TBCD: variants seen among roughly 807,000 people sequenced by gnomAD.
TBCD encodes tubulin-specific chaperone D.
A neutral mutation model predicts 169.3 loss-of-function variants in TBCD; 105 were observed. The observed-to-expected ratio is 0.62, with a 90% CI of 0.53 to 0.73. The LOEUF (loss-of-function observed/expected upper bound fraction) is 0.73, where lower values mean the gene tolerates loss of function less well. TBCD is among the 30% of genes least tolerant of loss of function. The pLI is 0.00. For synonymous variants in TBCD, 700 were observed against 643.9 expected, an observed-to-expected ratio of 1.09 and a Z score of -1.32; for missense variants, 1,444 against 1,600.1, an observed-to-expected ratio of 0.90 and a Z score of 1.66.
intron 13 of TBCD, among the ~76,000 whole-genome samples, chr17:82,826,658 C>T (rs943933725): frequency 1.6e-4 from 24 of 152,194 alleles, no homozygotes; most frequent in African/African-American, 5.6e-4. Flanking sequence ...TCAAGCAGTC[C>T]TCTCACCTCA....
rs2059027860 is a variant in TBCD, at chr17:82,890,124, T to C, written c.1563+427T>C. Among the ~76,000 whole-genome samples the C allele has an allele frequency of 6.6e-6, 1 of 152,200 alleles. No homozygotes were observed. Among genetic ancestry groups the C allele is most frequent in the Non-Finnish European group, 1.5e-5 (1 of 68,018 alleles). On this transcript the variant is annotated intron_variant, in intron 16 of 38. Transcript: ENST00000355528. The surrounding 1 kb of genome is among the most constrained non-coding windows in gnomAD (Gnocchi z 5.3). ...CAGCTCCCAGAAGCTACGGACCCCA[T>C]GACCCCACGACCCCACATCATGCTG... is the stretch of plus-strand genomic sequence containing the variant.
rs545142375 is a variant in TBCD, at chr17:82,942,910, G to C, written c.*447G>C. On this transcript the variant is annotated 3_prime_UTR_variant, in exon 39 of 39. Transcript: ENST00000355528. ...TTGGAGAGAGATGAATGTTAAATCA[G>C]AGGTTCAAATGCTAGAGAACTGAGA... The C allele has an allele frequency of 4.8e-6, 1 of 209,102 alleles. No individual in the cohort carries two copies. The highest frequency in any genetic ancestry group is 2.3e-5 in the African/African-American group (1 of 42,654). 13.0% of individuals were successfully genotyped at this position (209,102 alleles called of 1,614,324 possible).
At chr17:82,767,132 G>A (rs2144012036) in intron 4 of TBCD, among the ~76,000 whole-genome samples, 1 of 152,360 alleles carries the variant, frequency 6.6e-6, no homozygotes, top group Middle Eastern at 3.4e-3. Flanking sequence ...TACCAGCCCA[G>A]GGCCGGCCTC....
chr17:82,896,453 GTT>G (rs1014108505), intron 17 of TBCD, among the ~76,000 whole-genome samples: 4,137 of 91,494 alleles, frequency 0.045, 102 homozygotes, highest in African/African-American at 0.12. Flanking sequence ...TGTGCTGTCA[GTT>G]TTTTTTTTTT....
intron 30 of TBCD, 140 bp downstream of exon 30, chr17:82,928,128 C>T: frequency 1.4e-6 from 1 of 739,458 alleles, no homozygotes; most frequent in Non-Finnish European, 2.3e-6. Context: ...CTCTCTGGTC[C>T]CTGACCCCAG....
intron 17 of TBCD, 34 bp from the exon 18 acceptor site, chr17:82,900,617 G>C (rs767377270): frequency 1.2e-5 from 19 of 1,576,360 alleles, no homozygotes; most frequent in South Asian, 3.3e-5. Context: ...TCGTTCTTCC[G>C]CGTCTCACCA....
intron 13 of TBCD, among the ~76,000 whole-genome samples, chr17:82,853,792 G>A (rs2056019368): frequency 6.6e-6 from 1 of 152,104 alleles, no homozygotes; most frequent in Non-Finnish European, 1.5e-5. Flanking sequence ...TGTATGTTGA[G>A]TAAAAATCTA....
rs2058584942 is a variant in TBCD, at chr17:82,884,399, G to A, written c.1533+197G>A. On this transcript the variant is annotated intron_variant, in intron 15 of 38. Coordinates refer to ENST00000355528, the MANE Select transcript of TBCD (RefSeq NM_005993.5). The surrounding 1 kb of genome is among the most constrained non-coding windows in gnomAD (Gnocchi z 4.2). ...GGGCGTCTTCAGCGTGTGAAGGGCGGTCAGGGTTAAGCATCCCCAGAGCTG... is the reference window on the plus strand; with the variant it reads ...GGGCGTCTTCAGCGTGTGAAGGGCGATCAGGGTTAAGCATCCCCAGAGCTG... Among the ~76,000 whole-genome samples, 1 of 152,226 alleles carries A rather than the reference G, an allele frequency of 6.6e-6. No individual in the cohort carries two copies. The highest frequency in any genetic ancestry group is 1.5e-5 in the Non-Finnish European group (1 of 68,038).
Position 82,941,489 on chromosome 17 carries a change from CCT to C in TBCD, c.3564+7_3564+8del. ...GGCCCCAGCTGGTGCCCCAGGTAAC[CCT>C]GTCACCTTCACAGCATGAGGTGCCT... On this transcript the variant is annotated splice_region_variant and intron_variant, in intron 38 of 38. Coordinates refer to ENST00000355528, the MANE Select transcript of TBCD (RefSeq NM_005993.5). 6.3e-7 allele frequency: 1 copy of C among 1,586,414 alleles called. No individual in the cohort carries two copies. The highest frequency in any genetic ancestry group is 8.6e-7 in the Non-Finnish European group (1 of 1,167,276).
chr17:82,930,388 T>A lies in TBCD; in HGVS notation c.2992-134T>A. 1 of 1,352,246 alleles carries A rather than the reference T, an allele frequency of 7.4e-7. No homozygotes were observed. The highest frequency in any genetic ancestry group is 2.5e-5 in the East Asian group (1 of 39,558). 83.8% of individuals were successfully genotyped at this position (1,352,246 alleles called of 1,614,324 possible). ...CGTGCTGGCGTCCGCACCAGCCGCT[T>A]GGGGCCAGACCTTCGCGTCTCTGCA... is the stretch of plus-strand genomic sequence containing the variant. On this transcript the variant is annotated intron_variant, in intron 32 of 38. Transcript: ENST00000355528. The surrounding 1 kb of genome is among the most constrained non-coding windows in gnomAD (Gnocchi z 5.2).
chr17:82,904,508 G>A (rs781323939), intron 19 of TBCD, among the ~76,000 whole-genome samples: 4 of 152,248 alleles, frequency 2.6e-5, no homozygotes, highest in Admixed American at 6.5e-5. Context: ...GAATGGCTCA[G>A]CTAAGTCTGC....
intron 17 of TBCD, among the ~76,000 whole-genome samples, chr17:82,897,555 C>G (rs2146557502): frequency 6.6e-6 from 1 of 150,914 alleles, no homozygotes; most frequent in Admixed American, 6.6e-5. Context: ...CTTTGTACAT[C>G]TACTTTATTA....
intron 11 of TBCD, among the ~76,000 whole-genome samples, chr17:82,808,065 C>T (rs1349185309): frequency 6.6e-6 from 1 of 152,188 alleles, no homozygotes; most frequent in African/African-American, 2.4e-5. Flanking sequence ...CCTCATTCAC[C>T]CCTCACTAGC....
At chr17:82,937,029 G>GGCAAGAGA (rs1397967632) in intron 34 of TBCD, among the ~76,000 whole-genome samples, 1 of 152,186 alleles carries the variant, frequency 6.6e-6, no homozygotes, top group Non-Finnish European at 1.5e-5. Flanking sequence ...CTGCACCACA[G>GGCAAGAGA]GCAAGAGAGC....
In TBCD at chr17:82,890,406, G is replaced by A. The variant is rs1364746785; in HGVS notation, c.1563+709G>A. 6.6e-6 allele frequency among the ~76,000 whole-genome samples: 1 copy of A among 152,186 alleles called. No homozygotes were observed. The highest frequency in any genetic ancestry group is 1.5e-5 in the Non-Finnish European group (1 of 68,034). ...CCCGGACAGCAAAGCAAATGCAGCC[G>A]GGGTCTGGGCTGTGGCCAGGTGGTG... On this transcript the variant is annotated intron_variant, in intron 16 of 38. Coordinates refer to ENST00000355528, the MANE Select transcript of TBCD (RefSeq NM_005993.5). This position sits in a 1 kb window ranked among gnomAD's most constrained non-coding sequence, Gnocchi z 5.3.
At chr17:82,894,925 C>T (rs568031796) in intron 17 of TBCD, among the ~76,000 whole-genome samples, 91 of 152,100 alleles carry the variant, frequency 6.0e-4, no homozygotes, top group Non-Finnish European at 1.2e-3. Flanking sequence ...TGCAGTGAGC[C>T]GAGATCGTGC....
rs571002889 is a variant in TBCD at position 82,898,847 on chromosome 17, C to T, written c.1650-1804C>T. On this transcript the variant is annotated intron_variant, in intron 17 of 38. Coordinates refer to ENST00000355528, the MANE Select transcript of TBCD (RefSeq NM_005993.5). ...TTTTATTTTTGAGACATAATTTACA[C>T]GCTTTCAGCTGCCCCTGTATGGAGT... Among the ~76,000 whole-genome samples, 18 of 144,786 alleles carry T rather than the reference C, an allele frequency of 1.2e-4. No homozygotes were observed. The South Asian group carries it at 2.6e-3, about 21-fold the overall frequency. 95.0% of individuals were successfully genotyped at this position (144,786 alleles called of 152,430 possible).
intron 23 of TBCD, among the ~76,000 whole-genome samples, chr17:82,912,581 T>G (rs2060723209): frequency 6.6e-6 from 1 of 151,952 alleles, no homozygotes; most frequent in Non-Finnish European, 1.5e-5. Flanking sequence ...ACTGTGAGTG[T>G]GAGTGTGGAG....
Position 82,752,120 on chromosome 17 carries a change from C to T in TBCD, c.-74C>T, listed in dbSNP as rs1444433439. Reference sequence around the variant, plus strand: ...CTCCTTTTCATCCCTCATCCTTCATCCCTGGCTTTCGCGCTCTAGCGGAGT... The same window carrying T: ...CTCCTTTTCATCCCTCATCCTTCATTCCTGGCTTTCGCGCTCTAGCGGAGT... On this transcript the variant is annotated 5_prime_UTR_variant, in exon 1 of 39. Transcript: ENST00000355528. 4 of 1,398,068 alleles carry T rather than the reference C, an allele frequency of 2.9e-6. No individual in the cohort carries two copies. Among genetic ancestry groups the T allele is most frequent in the Non-Finnish European group, 3.7e-6 (4 of 1,074,130 alleles). The allele number at this position is 1,398,068 out of a possible 1,614,324, so 86.6% of individuals were successfully genotyped here. A position where few individuals can be genotyped will look rare whatever the true frequency, so the allele number is the denominator to read the frequency against.
Sources: gnomAD v4.1 joint callset for allele counts (sites outside exome capture counted in the v4.1 genomes callset) on GRCh38, gnomAD v4.1.1 for gene constraint, Gnocchi (gnomAD v3.1) non-coding constraint, MANE v1.5 for transcripts, NCBI Gene and HGNC (gene_info 2026-07-23, HGNC 2026-07-21) for gene names.